Variants in KDM2B observed in about 807,000 individuals in gnomAD.
The protein encoded by KDM2B is lysine demethylase 2B, also known as lysine-specific demethylase 2B.
Under a neutral mutation model 150.0 loss-of-function variants are expected in KDM2B, and 26 were observed. That is an observed-to-expected ratio of 0.17 (90% confidence interval 0.13 to 0.24). KDM2B has a LOEUF of 0.24. Among genes scored for constraint, KDM2B ranks in the 10% least tolerant of loss-of-function variants. The pLI is 1.00. For missense variants in KDM2B, 1,265 were observed against 1,816.9 expected (o/e 0.70, Z 5.52); for synonymous variants, 734 against 729.5 (o/e 1.01, Z -0.10).
intron 6 of KDM2B, among the ~76,000 whole-genome samples, chr12:121,547,476 A>G (rs1889145374): frequency 6.6e-6 from 1 of 152,164 alleles, no homozygotes; most frequent in African/African-American, 2.4e-5. Flanking sequence ...TATGCACTGA[A>G]TTAAGGGCTG....
intron 12 of KDM2B, among the ~76,000 whole-genome samples, chr12:121,466,558 G>A (rs1310304049): frequency 6.6e-6 from 1 of 151,760 alleles, no homozygotes; most frequent in Non-Finnish European, 1.5e-5. Context: ...CCCGGGTTCC[G>A]GGTGGCCCGC....
chr12:121,445,192 G>C, intron 14 of KDM2B, 83 bp downstream of exon 14: 1 of 1,504,998 alleles, frequency 6.6e-7, no homozygotes, highest in Admixed American at 1.8e-5. Flanking sequence ...TGCACGACCT[G>C]CATCCCACCA....
chr12:121,423,721 C>T, the KDM2B span: 1 of 734,828 alleles, frequency 1.4e-6, no homozygotes, highest in Non-Finnish European at 2.2e-6. The surrounding 1 kb of genome is among the most constrained non-coding windows in gnomAD (Gnocchi z 4.3). Context: ...AAAGATCCAT[C>T]CTGAGTTGTG....
chr12:121,412,972 G>A, the KDM2B span, among the ~76,000 whole-genome samples: 4 of 151,612 alleles, frequency 2.6e-5, no homozygotes, highest in African/African-American at 9.7e-5. Flanking sequence ...CCCCACCTCT[G>A]CCTCCCAAAG....
At chr12:121,522,501 T>C (rs543984467) in intron 8 of KDM2B, among the ~76,000 whole-genome samples, 16 of 108,426 alleles carry the variant, frequency 1.5e-4, no homozygotes, top group African/African-American at 5.5e-4. Context: ...GCAACAAGAG[T>C]GAAACTCCGT....
intron 1 of KDM2B, among the ~76,000 whole-genome samples, chr12:121,579,215 T>C (rs1167707307): frequency 2.0e-5 from 3 of 152,144 alleles, no homozygotes; most frequent in Non-Finnish European, 4.4e-5. Flanking sequence ...GACCCTCCCC[T>C]GCCCCCCGCC....
chr12:121,561,003 TGCCTGGAGTTCCTAGGCAGGCCAGCA>T (rs1555313759), intron 4 of KDM2B, among the ~76,000 whole-genome samples: 3 of 152,172 alleles, frequency 2.0e-5, no homozygotes, highest in Admixed American at 6.5e-5. Context: ...CATGGGGCAG[TGCCTGGAGTTCCTAGGCAGGCCAGCA>T]GCCTCCCTCC....
At chr12:121,560,630 G>C (rs1000073253) in intron 4 of KDM2B, among the ~76,000 whole-genome samples, 5 of 151,810 alleles carry the variant, frequency 3.3e-5, no homozygotes, top group African/African-American at 1.2e-4. Context: ...TATAAAGTGG[G>C]CAGGGGCAGG....
chr12:121,431,890 T>TC (rs1873104792), intron 22 of KDM2B, among the ~76,000 whole-genome samples: 1 of 149,434 alleles, frequency 6.7e-6, no homozygotes, highest in South Asian at 2.1e-4. Context: ...TTTTTTTTTT[T>TC]TTTTTTGGAG....
At position 121,532,930 on chromosome 12, in the gene KDM2B, G is replaced by A; in HGVS notation, c.807C>T (p.His269=). The change falls in exon 8 of 23, where the codon CAC becomes CAT. Residue 269 remains histidine, a synonymous_variant. Coordinates refer to ENST00000377071, the MANE Select transcript of KDM2B (RefSeq NM_032590.5). ...KIFWLIPPTL[H]NLALYEEWVL... is the part of the protein sequence containing the mutation. ...CCCACTCCTCGTACAGCGCCAAATT[G>A]TGCAGCGTTGGAGGAATCAGCCAAA... 6.2e-7 allele frequency: 1 copy of A among 1,614,182 alleles called. No homozygotes were observed. The highest frequency in any genetic ancestry group is 8.5e-7 in the Non-Finnish European group (1 of 1,180,026).
intron 12 of KDM2B, among the ~76,000 whole-genome samples, chr12:121,454,085 T>C (rs1877817956): frequency 6.7e-6 from 1 of 149,852 alleles, no homozygotes; most frequent in South Asian, 2.1e-4. Flanking sequence ...TACAGGCTGC[T>C]TTCTTCTGGA....
In KDM2B at chr12:121,516,461, T is replaced by C. The variant is rs1037370753; in HGVS notation, c.1048-3059A>G. 7 of 1,322,444 alleles carry C rather than the reference T, an allele frequency of 5.3e-6. No homozygotes were observed. In the African/African-American group the frequency reaches 1.0e-4, roughly 20 times the overall value. 81.9% of individuals were successfully genotyped at this position (1,322,444 alleles called of 1,614,324 possible). A position where few individuals can be genotyped will look rare whatever the true frequency, so the allele number is the denominator to read the frequency against. On this transcript the variant is annotated intron_variant, in intron 9 of 22. Transcript: ENST00000377071. ...CGGGAAACAAAAATTTGCAAAGAAT[T>C]GACTTACAAACAGGTTGTCGCCTTC...
intron 12 of KDM2B, among the ~76,000 whole-genome samples, chr12:121,485,442 C>T (rs1429361335): frequency 6.6e-6 from 1 of 152,174 alleles, no homozygotes; most frequent in Admixed American, 6.6e-5. Flanking sequence ...ATTGTCCTAT[C>T]AGTGCTGCCT....
chr12:121,430,680 G>A lies in KDM2B; in HGVS notation c.3830-211C>T. 2 of 574,638 alleles carry A rather than the reference G, an allele frequency of 3.5e-6. No homozygotes were observed. Among genetic ancestry groups the A allele is most frequent in the Non-Finnish European group, 6.2e-6 (2 of 323,232 alleles). The allele number at this position is 574,638 out of a possible 1,614,324, so 35.6% of individuals were successfully genotyped here. ...CCGCCAGGTATAAAGGTTAATATAT[G>A]CCTCAAAAGCATTCAGATAACCACG... On this transcript the variant is annotated intron_variant, in intron 22 of 22. Transcript: ENST00000377071. The surrounding 1 kb of genome is among the most constrained non-coding windows in gnomAD (Gnocchi z 4.4).
chr12:121,421,380 A>G, the KDM2B span, among the ~76,000 whole-genome samples: 1 of 144,496 alleles, frequency 6.9e-6, no homozygotes, highest in African/African-American at 2.7e-5. Flanking sequence ...CTAAAAAAAA[A>G]AAAAAAAAAA....
In KDM2B at chr12:121,513,192, G is replaced by T; in HGVS notation, c.1174+84C>A. On this transcript the variant is annotated intron_variant, in intron 10 of 22. Transcript: ENST00000377071. The surrounding 1 kb of genome is among the most constrained non-coding windows in gnomAD (Gnocchi z 5.0). ...TGATTCAACGAATCCCCAAAACTCA[G>T]GGAGTGTCTCCAGGCCCCACTGAGA... The T allele has an allele frequency of 6.6e-7, 1 of 1,504,618 alleles. No individual in the cohort carries two copies. 93.2% of individuals were successfully genotyped at this position (1,504,618 alleles called of 1,614,324 possible). A position where few individuals can be genotyped will look rare whatever the true frequency, so the allele number is the denominator to read the frequency against.
intron 22 of KDM2B, chr12:121,433,317 GGCCCGCCTGCCC>G: frequency 2.5e-6 from 1 of 396,962 alleles, no homozygotes; most frequent in Non-Finnish European, 5.0e-6. Context: ...TGGCGCGTGG[GGCCCGCCTGCCC>G]GCCCGCCAGC....
chr12:121,488,736 C>T (rs537654467), intron 12 of KDM2B, among the ~76,000 whole-genome samples: 1 of 152,286 alleles, frequency 6.6e-6, no homozygotes, highest in East Asian at 1.9e-4. Context: ...ATTCTCCTGC[C>T]TCACCCTTCC....
intron 12 of KDM2B, among the ~76,000 whole-genome samples, chr12:121,484,732 C>A (rs1331550558): frequency 1.3e-5 from 2 of 152,046 alleles, no homozygotes; most frequent in African/African-American, 4.8e-5. Flanking sequence ...GTGGGAGGAT[C>A]CCTTGAGCCC....
Sources: gnomAD v4.1 joint callset for allele counts (sites outside exome capture counted in the v4.1 genomes callset) on GRCh38, gnomAD v4.1.1 for gene constraint, Gnocchi (gnomAD v3.1) non-coding constraint, MANE v1.5 for transcripts, NCBI Gene and HGNC (gene_info 2026-07-23, HGNC 2026-07-21) for gene names.